The following GLS variants were observed in gnomAD, a reference collection of about 807,000 sequenced individuals.
The protein encoded by GLS is glutaminase kidney isoform, mitochondrial.
Under a neutral mutation model 86.7 loss-of-function variants are expected in GLS, and 36 were observed. That is an observed-to-expected ratio of 0.42 (90% CI 0.32 to 0.55). The LOEUF (loss-of-function observed/expected upper bound fraction) is 0.55, where lower values mean the gene tolerates loss of function less well. Ranked by LOEUF, GLS falls within the 20% of genes least tolerant of loss-of-function variation. The pLI, the probability that GLS is intolerant of heterozygous loss-of-function variation, is 0.17. For missense variants in GLS, 528 were observed against 833.4 expected, an observed-to-expected ratio of 0.63 and a Z score of 4.51; for synonymous variants, 317 against 305.9, an observed-to-expected ratio of 1.04 and a Z score of -0.38.
chr2:190,960,488 C>T (rs1389939433), intron 17 of GLS, among the ~76,000 whole-genome samples: 14 of 151,796 alleles, frequency 9.2e-5, no homozygotes, highest in Non-Finnish European at 1.0e-4. Context: ...CCTCAACCTC[C>T]TGAGTAGCTG....
chr2:190,916,698 A>T (rs1165843186), intron 7 of GLS, among the ~76,000 whole-genome samples: 1 of 152,220 alleles, frequency 6.6e-6, no homozygotes, highest in Non-Finnish European at 1.5e-5. Flanking sequence ...TAGTCAATGC[A>T]ATTATTCAAT....
In GLS at chr2:190,913,852, T is replaced by C. The variant is rs1341007887; in HGVS notation, c.1038+3531T>C. On this transcript the variant is annotated intron_variant, in intron 7 of 17. Transcript: ENST00000320717. The surrounding 1 kb of genome is among the most constrained non-coding windows in gnomAD (Gnocchi z 6.1). The stretch of plus-strand genomic sequence containing the variant: ...GTCTCTCTCTGTTGCCCAGTCTAAG[T>C]GCAGTGGTACAGTCATAACCCACTG... 2 of 426,400 alleles carry C rather than the reference T, an allele frequency of 4.7e-6. No individual in the cohort carries two copies. The highest frequency in any genetic ancestry group is 4.3e-5 in the African/African-American group (2 of 46,554). 26.4% of individuals were successfully genotyped at this position (426,400 alleles called of 1,614,324 possible).
At position 190,921,632 on chromosome 2, in the gene GLS, A is replaced by T. The variant is rs915471002; in HGVS notation, c.1130+429A>T. On this transcript the variant is annotated intron_variant, in intron 9 of 17. Coordinates refer to ENST00000320717, the MANE Select transcript of GLS (RefSeq NM_014905.5). The surrounding 1 kb of genome is among the most constrained non-coding windows in gnomAD (Gnocchi z 4.2). ...TTAGATAGATAAAAAATATGTATGTATACCTCTAAACACAAATATGTAAAT... is the reference window on the plus strand; with the variant it reads ...TTAGATAGATAAAAAATATGTATGTTTACCTCTAAACACAAATATGTAAAT... Among the ~76,000 whole-genome samples the T allele has an allele frequency of 6.6e-6, 1 of 152,006 alleles. No individual in the cohort carries two copies. The highest frequency in any genetic ancestry group is 2.4e-5 in the African/African-American group (1 of 41,428).
chr2:190,913,804 G>GT lies in GLS; in HGVS notation c.1038+3489dup, dbSNP rs1689434527. 3.3e-6 allele frequency: 3 copies of GT among 913,030 alleles called. No individual in the cohort carries two copies. Among genetic ancestry groups the GT allele is most frequent in the Non-Finnish European group, 3.9e-6 (3 of 764,232 alleles). 56.6% of individuals were successfully genotyped at this position (913,030 alleles called of 1,614,324 possible). ...ATGTTTTTACCTCTCAGAGTTTTTT[G>GT]TTTTTTGTTTTTTAGAGACAAGGTC... On this transcript the variant is annotated intron_variant, in intron 7 of 17. Coordinates refer to ENST00000320717, the MANE Select transcript of GLS (RefSeq NM_014905.5). The surrounding 1 kb of genome is among the most constrained non-coding windows in gnomAD (Gnocchi z 6.1).
chr2:190,891,782 A>G (rs1688571768), intron 1 of GLS, among the ~76,000 whole-genome samples: 1 of 152,092 alleles, frequency 6.6e-6, no homozygotes, highest in Non-Finnish European at 1.5e-5. Context: ...CTCAACACTA[A>G]AAAATTAAGT....
rs1688682422 is a variant in GLS at position 190,895,032 on chromosome 2, G to A, written c.387-120G>A. 1 of 528,292 alleles carries A rather than the reference G, an allele frequency of 1.9e-6. No individual in the cohort carries two copies. Among genetic ancestry groups the A allele is most frequent in the Admixed American group, 2.9e-5 (1 of 34,136 alleles). The allele number at this position is 528,292 out of a possible 1,614,324, so 32.7% of individuals were successfully genotyped here. A position where few individuals can be genotyped will look rare whatever the true frequency, so the allele number is the denominator to read the frequency against. ...TAAATCAACATTTATTATGACTGTA[G>A]TCTTGAGTATATGAGCTCAGCTGTA... On this transcript the variant is annotated intron_variant, in intron 1 of 17. Coordinates refer to ENST00000320717, the MANE Select transcript of GLS (RefSeq NM_014905.5). The surrounding 1 kb of genome is among the most constrained non-coding windows in gnomAD (Gnocchi z 4.2).
At position 190,921,009 on chromosome 2, in the gene GLS, CTT is replaced by C. The variant is rs770407339; in HGVS notation, c.1039-14_1039-13del. The C allele has an allele frequency of 4.1e-6, 6 of 1,449,832 alleles. No individual in the cohort carries two copies. Among genetic ancestry groups the C allele is most frequent in the South Asian group, 3.4e-5 (3 of 87,516 alleles). 89.8% of individuals were successfully genotyped at this position (1,449,832 alleles called of 1,614,324 possible). A position where few individuals can be genotyped will look rare whatever the true frequency, so the allele number is the denominator to read the frequency against. ...TACCTATATTAACGTATTTATGTCT[CTT>C]ATTTTTTTGCAGCAAGGAGTAAATA... is the stretch of plus-strand genomic sequence containing the variant. On this transcript the variant is annotated splice_polypyrimidine_tract_variant and intron_variant, in intron 7 of 17. Transcript: ENST00000320717. This position sits in a 1 kb window ranked among gnomAD's most constrained non-coding sequence, Gnocchi z 4.2.
intron 11 of GLS, 60 bp from the exon 12 acceptor site, chr2:190,927,246 C>T (rs1044964370): frequency 8.3e-7 from 1 of 1,209,342 alleles, no homozygotes; most frequent in African/African-American, 1.6e-5. Context: ...AATAGATTAT[C>T]TTAAAAGTGA....
intron 6 of GLS, among the ~76,000 whole-genome samples, chr2:190,906,606 C>T (rs2124856525): frequency 6.6e-6 from 1 of 152,240 alleles, no homozygotes; most frequent in East Asian, 1.9e-4. Flanking sequence ...TTTTCTAAGC[C>T]TGAGCCAACA....
Position 190,881,179 on chromosome 2 carries a change from T to C in GLS, c.95T>C (p.Val32Ala). 6.7e-7 allele frequency: 1 copy of C among 1,486,628 alleles called. No individual in the cohort carries two copies. Among genetic ancestry groups the C allele is most frequent in the Non-Finnish European group, 8.9e-7 (1 of 1,124,012 alleles). The allele number at this position is 1,486,628 out of a possible 1,614,324, so 92.1% of individuals were successfully genotyped here. ...SATLRRAQPL[V>A]TLCRRPRGGG... ...ACTCTGCGGCGGGCACAGCCCTTGGTCACCCTGTGCCGGCGTCCCCGAGGC... is the reference window on the plus strand; with the variant it reads ...ACTCTGCGGCGGGCACAGCCCTTGGCCACCCTGTGCCGGCGTCCCCGAGGC... Residue 32 changes from valine to alanine, a missense_variant, in exon 1 of 18, where the codon GTC becomes GCC. Physicochemically the swap from Val to Ala is moderately conservative, Grantham distance 64. Coordinates refer to ENST00000320717, the MANE Select transcript of GLS (RefSeq NM_014905.5).
rs1037485952 is a variant in GLS, at chr2:190,920,416, T to A, written c.1039-608T>A. Among the ~76,000 whole-genome samples the A allele has an allele frequency of 2.6e-5, 4 of 151,898 alleles. No homozygotes were observed. Among genetic ancestry groups the A allele is most frequent in the African/African-American group, 9.7e-5 (4 of 41,426 alleles). On this transcript the variant is annotated intron_variant, in intron 7 of 17. Coordinates refer to ENST00000320717, the MANE Select transcript of GLS (RefSeq NM_014905.5). This position sits in a 1 kb window ranked among gnomAD's most constrained non-coding sequence, Gnocchi z 4.2. Reference sequence around the variant, plus strand: ...CAACAGAAGCTAATTTTTTAGAGACTGTGAAATATAATTTTTTTTAGTTCA... The same window carrying A: ...CAACAGAAGCTAATTTTTTAGAGACAGTGAAATATAATTTTTTTTAGTTCA...
Position 190,955,367 on chromosome 2 carries a change from G to C in GLS, c.1853+549G>C, listed in dbSNP as rs1574622770. Among the ~76,000 whole-genome samples the C allele has an allele frequency of 6.6e-6, 1 of 152,202 alleles. No individual in the cohort carries two copies. The highest frequency in any genetic ancestry group is 2.1e-4 in the South Asian group (1 of 4,824). ...CTGTTCCACTCCCACTTACGAGGGAGAACATGAAGTGTTTGGTTTTCTGTT... is the reference window on the plus strand; with the variant it reads ...CTGTTCCACTCCCACTTACGAGGGACAACATGAAGTGTTTGGTTTTCTGTT... On this transcript the variant is annotated intron_variant, in intron 17 of 17. Coordinates refer to ENST00000320717, the MANE Select transcript of GLS (RefSeq NM_014905.5). This position sits in a 1 kb window ranked among gnomAD's most constrained non-coding sequence, Gnocchi z 5.6.
Position 190,880,834 on chromosome 2 carries a change from A to G in GLS, c.-251A>G. On this transcript the variant is annotated 5_prime_UTR_variant, in exon 1 of 18. Transcript: ENST00000320717. ...CGCTTTAGCCTCAGTGCGGAGCCTTAGGCGGAGCGAAGAGAACCGGTCGCG... is the reference window on the plus strand; with the variant it reads ...CGCTTTAGCCTCAGTGCGGAGCCTTGGGCGGAGCGAAGAGAACCGGTCGCG... 1.3e-6 allele frequency: 1 copy of G among 756,996 alleles called. No individual in the cohort carries two copies. The highest frequency in any genetic ancestry group is 2.2e-6 in the Non-Finnish European group (1 of 451,788). The allele number at this position is 756,996 out of a possible 1,614,324, so 46.9% of individuals were successfully genotyped here. A position where few individuals can be genotyped will look rare whatever the true frequency, so the allele number is the denominator to read the frequency against.
In GLS at chr2:190,949,888, C is replaced by A. The variant is rs945647821; in HGVS notation, c.1651-3677C>A. On this transcript the variant is annotated intron_variant, in intron 14 of 17. Coordinates refer to ENST00000320717, the MANE Select transcript of GLS (RefSeq NM_014905.5). The surrounding 1 kb of genome is among the most constrained non-coding windows in gnomAD (Gnocchi z 4.0). Reference sequence around the variant, plus strand: ...CAAGTGGTCTCTGCCCACATGGAGCCTATATTTAATGAGAGAGACAAAAAA... The same window carrying A: ...CAAGTGGTCTCTGCCCACATGGAGCATATATTTAATGAGAGAGACAAAAAA... 6.0e-5 allele frequency among the ~76,000 whole-genome samples: 9 copies of A among 150,274 alleles called. No homozygotes were observed. Among genetic ancestry groups the A allele is most frequent in the Non-Finnish European group, 1.2e-4 (8 of 67,690 alleles).
At position 190,918,139 on chromosome 2, in the gene GLS, C is replaced by G. The variant is rs79097585; in HGVS notation, c.1039-2885C>G. Among the ~76,000 whole-genome samples, 1,131 of 152,280 alleles carry G rather than the reference C, an allele frequency of 7.4e-3. 29 individuals are homozygous for G. Among genetic ancestry groups the G allele is most frequent in the East Asian group, 0.053 (276 of 5,194 alleles). On this transcript the variant is annotated intron_variant, in intron 7 of 17. Transcript: ENST00000320717. ...CAAGCTGCCTTAGCCCCTAACAGGTCAGGCTGTCCTCTGAAACCAGACATT... is the reference window on the plus strand; with the variant it reads ...CAAGCTGCCTTAGCCCCTAACAGGTGAGGCTGTCCTCTGAAACCAGACATT...
chr2:190,909,859 T>C (rs1689296966), intron 6 of GLS, among the ~76,000 whole-genome samples: 1 of 152,048 alleles, frequency 6.6e-6, no homozygotes, highest in Non-Finnish European at 1.5e-5. Context: ...CTGGGCAACA[T>C]AGGGAGATCC....
At chr2:190,884,800 AAAC>A (rs1688319473) in intron 1 of GLS, among the ~76,000 whole-genome samples, 1 of 152,200 alleles carries the variant, frequency 6.6e-6, no homozygotes, top group Admixed American at 6.5e-5. Context: ...TATTCTGTTA[AAAC>A]AACAATGAGG....
At chr2:190,909,372 T>G (rs1417563502) in intron 6 of GLS, among the ~76,000 whole-genome samples, 1 of 152,220 alleles carries the variant, frequency 6.6e-6, no homozygotes, top group African/African-American at 2.4e-5. Flanking sequence ...ATAATACTTG[T>G]TATTAATTAT....
intron 13 of GLS, 21 bp from the exon 14 acceptor site, chr2:190,931,524 G>C: frequency 1.8e-6 from 2 of 1,117,910 alleles, no homozygotes; most frequent in Non-Finnish European, 2.7e-6. Context: ...TCTTATACCT[G>C]CTCTGTATAA....
Sources: allele counts gnomAD v4.1 joint callset (sites outside exome capture counted in the v4.1 genomes callset), GRCh38; gene constraint gnomAD v4.1.1; non-coding constraint Gnocchi (gnomAD v3.1); transcripts MANE v1.5; gene names NCBI Gene and HGNC (gene_info 2026-07-23, HGNC 2026-07-21).